The following EPSTI1 variants were observed in gnomAD, a reference collection of about 807,000 sequenced individuals.
The protein encoded by EPSTI1 is epithelial-stromal interaction protein 1.
In EPSTI1, 66 loss-of-function variants were observed where a neutral mutation model predicts 49.9. The observed-to-expected ratio is 1.32, with a 90% CI of 1.08 to 1.62. The LOEUF (loss-of-function observed/expected upper bound fraction) is 1.62, where lower values mean the gene tolerates loss of function less well. Among genes scored for constraint, EPSTI1 ranks in the 40% most tolerant of loss-of-function variants. The pLI is 0.00. For missense variants in EPSTI1, 394 were observed against 365.5 expected (o/e 1.08, Z -0.64); for synonymous variants, 137 against 130.7 (o/e 1.05, Z -0.33).
chr13:42,920,458 T>C (rs1046305023), intron 7 of EPSTI1, among the ~76,000 whole-genome samples: 1 of 152,114 alleles, frequency 6.6e-6, no homozygotes, highest in African/African-American at 2.4e-5. Flanking sequence ...TGGAAGGGGC[T>C]AGAGGACACC....
chr13:42,909,986 G>A (rs762592879), intron 8 of EPSTI1, among the ~76,000 whole-genome samples: 33 of 152,102 alleles, frequency 2.2e-4, no homozygotes, highest in Non-Finnish European at 4.6e-4. Flanking sequence ...GTGAGGTAAT[G>A]CATTTGTTAA....
intron 10 of EPSTI1, among the ~76,000 whole-genome samples, chr13:42,894,297 G>GTA (rs1326846605): frequency 2.6e-5 from 4 of 152,314 alleles, no homozygotes; most frequent in East Asian, 3.9e-4. Context: ...TCTGATGTGT[G>GTA]TATATAAAGG....
At chr13:42,980,815 C>T (rs1004021822) in intron 1 of EPSTI1, among the ~76,000 whole-genome samples, 3 of 152,134 alleles carry the variant, frequency 2.0e-5, no homozygotes, top group African/African-American at 7.2e-5. Flanking sequence ...TTGCAGGGGA[C>T]TTTCACATTC....
chr13:42,957,027 G>A (rs994066063), intron 5 of EPSTI1, among the ~76,000 whole-genome samples: 15 of 152,228 alleles, frequency 9.9e-5, no homozygotes, highest in African/African-American at 3.6e-4. Flanking sequence ...GAACCCCTGG[G>A]GTGATTCTCA....
At chr13:42,944,525 G>C (rs1217136578) in intron 6 of EPSTI1, among the ~76,000 whole-genome samples, 1 of 152,108 alleles carries the variant, frequency 6.6e-6, no homozygotes, top group African/African-American at 2.4e-5. Flanking sequence ...GTAATGGGGT[G>C]GGGGGCTAGG....
At position 42,886,520 on chromosome 13, in the gene EPSTI1, G is replaced by A. The variant is rs1386109950; in HGVS notation, c.*1974C>T. The A allele has an allele frequency of 5.3e-5, 8 of 151,822 alleles. No individual in the cohort carries two copies. Among genetic ancestry groups the A allele is most frequent in the East Asian group, 3.9e-4 (2 of 5,188 alleles). 9.4% of individuals were successfully genotyped at this position (151,822 alleles called of 1,614,324 possible). ...TTTTATTTTCTACAAAAAAAAAAGC[G>A]GGGGGACATTAAAATTAAGCATAGA... is the stretch of plus-strand genomic sequence containing the variant. On this transcript the variant is annotated 3_prime_UTR_variant, in exon 11 of 11. Transcript: ENST00000313624.
intron 6 of EPSTI1, among the ~76,000 whole-genome samples, chr13:42,939,629 G>A (rs1052108770): frequency 9.2e-5 from 14 of 152,008 alleles, no homozygotes; most frequent in Admixed American, 2.6e-4. Context: ...TTGTGGGCAG[G>A]GTTTGTGGGT....
At chr13:42,910,707 A>C (rs2037645579) in intron 8 of EPSTI1, among the ~76,000 whole-genome samples, 1 of 152,222 alleles carries the variant, frequency 6.6e-6, no homozygotes, top group Non-Finnish European at 1.5e-5. Flanking sequence ...GTTAAAAAAT[A>C]TCCAAACCTT....
At chr13:42,944,202 A>C (rs933729848) in intron 6 of EPSTI1, among the ~76,000 whole-genome samples, 4 of 152,226 alleles carry the variant, frequency 2.6e-5, no homozygotes, top group Non-Finnish European at 5.9e-5. Context: ...TCATTCTACT[A>C]TAAAGGCACA....
chr13:42,923,036 A>G (rs760168182), intron 7 of EPSTI1, among the ~76,000 whole-genome samples: 20 of 152,210 alleles, frequency 1.3e-4, no homozygotes, highest in Non-Finnish European at 2.8e-4. Flanking sequence ...GCAAAGATTT[A>G]GACTCGAGGC....
At chr13:42,915,786 G>T (rs545008111) in intron 8 of EPSTI1, among the ~76,000 whole-genome samples, 2 of 151,782 alleles carry the variant, frequency 1.3e-5, no homozygotes, top group Non-Finnish European at 2.9e-5. Flanking sequence ...GAAAATATGT[G>T]TATATCAATA....
intron 1 of EPSTI1, among the ~76,000 whole-genome samples, chr13:42,989,567 C>CTTTTTT: frequency 1.3e-4 from 10 of 79,018 alleles, no homozygotes; most frequent in African/African-American, 2.2e-4. Flanking sequence ...CCTCTTTTTT[C>CTTTTTT]TTTTTTTTTT....
rs1191937129 is a variant in EPSTI1 at position 42,954,142 on chromosome 13, T to A, written c.490-121A>T. 2.5e-5 allele frequency: 18 copies of A among 729,630 alleles called. No individual in the cohort carries two copies. In the Admixed American group the frequency reaches 3.6e-4, roughly 15 times the overall value. The allele number at this position is 729,630 out of a possible 1,614,324, so 45.2% of individuals were successfully genotyped here. ...CTGGCCTTGATAGTCTAATACAGTATCCTGCTAGAGGCTCCAAGATGGTAC... is the reference window on the plus strand; with the variant it reads ...CTGGCCTTGATAGTCTAATACAGTAACCTGCTAGAGGCTCCAAGATGGTAC... On this transcript the variant is annotated intron_variant, in intron 5 of 10. Transcript: ENST00000313624.
intron 2 of EPSTI1, chr13:42,969,548 C>T: frequency 1.8e-5 from 4 of 224,414 alleles, no homozygotes; most frequent in Non-Finnish European, 2.7e-5. Flanking sequence ...TCAATAAGAA[C>T]TTTCCACACA....
chr13:42,959,784 T>C (rs1053572509), intron 5 of EPSTI1, among the ~76,000 whole-genome samples: 7 of 152,194 alleles, frequency 4.6e-5, no homozygotes, highest in Non-Finnish European at 1.5e-5. Flanking sequence ...TACCAAGAGG[T>C]TGGGGAATCA....
intron 9 of EPSTI1, among the ~76,000 whole-genome samples, chr13:42,899,389 A>G (rs12428502): frequency 0.066 from 10,079 of 152,196 alleles, 403 homozygotes; most frequent in Admixed American, 0.091. Flanking sequence ...TCACATTTGT[A>G]GTTTCAAAAC....
chr13:42,917,649 A>AAG, intron 7 of EPSTI1, 25 bp from the exon 8 acceptor site: 1 of 1,448,332 alleles, frequency 6.9e-7, no homozygotes. Context: ...AGAGAAAAAA[A>AAG]AAAAAAAAAA....
chr13:42,959,491 C>G (rs1262262671), intron 5 of EPSTI1, among the ~76,000 whole-genome samples: 2 of 152,208 alleles, frequency 1.3e-5, no homozygotes, highest in Non-Finnish European at 2.9e-5. Context: ...TTAGCCCTTG[C>G]TACTACTTGC....
intron 6 of EPSTI1, among the ~76,000 whole-genome samples, chr13:42,946,257 T>A (rs1325902590): frequency 6.6e-6 from 1 of 152,184 alleles, no homozygotes; most frequent in Non-Finnish European, 1.5e-5. Flanking sequence ...GTAAAGAAGA[T>A]GCATGGTTTC....
Sources: allele counts gnomAD v4.1 joint callset (sites outside exome capture counted in the v4.1 genomes callset), GRCh38; gene constraint gnomAD v4.1.1; transcripts MANE v1.5; gene names NCBI Gene and HGNC (gene_info 2026-07-23, HGNC 2026-07-21).